The following SLC39A10 variants were observed in gnomAD, a reference collection of about 807,000 sequenced individuals.
The protein encoded by SLC39A10 is solute carrier family 39 member 10.
SLC39A10 carries 13 observed loss-of-function variants against 65.1 expected under a neutral mutation model. That is an observed-to-expected ratio of 0.20 (90% confidence interval 0.13 to 0.32). The LOEUF is 0.32. SLC39A10 is among the 10% of genes least tolerant of loss of function. The pLI, the probability that SLC39A10 is intolerant of heterozygous loss-of-function variation, is 1.00. For missense variants in SLC39A10, 831 were observed against 1,018.4 expected, an observed-to-expected ratio of 0.82 and a Z score of 2.50; for synonymous variants, 321 against 342.2, an observed-to-expected ratio of 0.94 and a Z score of 0.68.
At chr2:195,733,473 GATT>G (rs1692489422) in intron 9 of SLC39A10, among the ~76,000 whole-genome samples, 1 of 152,072 alleles carries the variant, frequency 6.6e-6, no homozygotes, top group Non-Finnish European at 1.5e-5. Context: ...TGAATCTACA[GATT>G]ATTCTTAGAT....
intron 3 of SLC39A10, among the ~76,000 whole-genome samples, chr2:195,690,831 T>C (rs1690711572): frequency 6.6e-6 from 1 of 152,224 alleles, no homozygotes; most frequent in Admixed American, 6.5e-5. Flanking sequence ...CTTTTTACTC[T>C]GTTGATAATT....
chr2:195,704,571 TATTTC>T (rs1207702538), intron 3 of SLC39A10, among the ~76,000 whole-genome samples: 1 of 152,246 alleles, frequency 6.6e-6, no homozygotes, highest in Non-Finnish European at 1.5e-5. Context: ...ACTTCTGACT[TATTTC>T]ATTAAGTTCT....
intron 1 of SLC39A10, among the ~76,000 whole-genome samples, chr2:195,663,860 T>C (rs1312748357): frequency 1.3e-5 from 2 of 151,744 alleles, no homozygotes; most frequent in East Asian, 1.9e-4. Flanking sequence ...CTGGGTTATA[T>C]TGTGTGATGC....
intron 1 of SLC39A10, among the ~76,000 whole-genome samples, chr2:195,660,053 G>A (rs1689323881): frequency 6.6e-6 from 1 of 151,790 alleles, no homozygotes; most frequent in South Asian, 2.1e-4. Context: ...ATTTCGTGAG[G>A]GGGTACATAC....
intron 9 of SLC39A10, among the ~76,000 whole-genome samples, chr2:195,729,528 C>G (rs571841940): frequency 6.6e-6 from 1 of 152,264 alleles, no homozygotes; most frequent in Non-Finnish European, 1.5e-5. Flanking sequence ...TATCTATGCC[C>G]ATTTACATTC....
At chr2:195,697,106 C>T (rs547538502) in intron 3 of SLC39A10, among the ~76,000 whole-genome samples, 41 of 152,196 alleles carry the variant, frequency 2.7e-4, no homozygotes, top group Non-Finnish European at 4.9e-4. Flanking sequence ...TTAACTGTCT[C>T]AGGGGTGGCC....
intron 9 of SLC39A10, among the ~76,000 whole-genome samples, chr2:195,734,158 T>TA (rs1559054819): frequency 6.7e-4 from 42 of 62,516 alleles, no homozygotes; most frequent in East Asian, 2.0e-3. Flanking sequence ...TCCTTTTTTT[T>TA]TAAAAAAAAA....
At chr2:195,677,121 CAG>C in intron 1 of SLC39A10, among the ~76,000 whole-genome samples, 1 of 152,276 alleles carries the variant, frequency 6.6e-6, no homozygotes, top group Non-Finnish European at 1.5e-5. Context: ...AGAAAGTACA[CAG>C]AGCATAAGTG....
chr2:195,672,707 C>T (rs1472568724), intron 1 of SLC39A10, among the ~76,000 whole-genome samples: 14 of 152,220 alleles, frequency 9.2e-5, no homozygotes, highest in Admixed American at 6.5e-4. Flanking sequence ...TTTTGTGTTT[C>T]GTGGAGTCAT....
At chr2:195,662,946 C>T (rs1302500552) in intron 1 of SLC39A10, among the ~76,000 whole-genome samples, 2 of 152,174 alleles carry the variant, frequency 1.3e-5, no homozygotes, top group African/African-American at 2.4e-5. Context: ...AGTAGAGAAG[C>T]TTTTTGTCTC....
At chr2:195,669,594 A>G (rs1413499589) in intron 1 of SLC39A10, among the ~76,000 whole-genome samples, 1 of 152,242 alleles carries the variant, frequency 6.6e-6, no homozygotes, top group Non-Finnish European at 1.5e-5. Context: ...AACCATTTGT[A>G]TATATTCCTA....
In SLC39A10 at chr2:195,623,588, T is replaced by TA. The variant is rs532736177; in HGVS notation, c.-12+17358dup. ...GTGATTTTTACCTTGAGTTCATAGC[T>TA]AAAGTTTGAGGCAATCCATTAATTG... is the stretch of plus-strand genomic sequence containing the variant. On this transcript the variant is annotated intron_variant, in intron 2 of 2. Coordinates refer to the SLC39A10 transcript ENST00000458054. 5.3e-5 allele frequency among the ~76,000 whole-genome samples: 8 copies of TA among 152,316 alleles called. No homozygotes were observed. In the East Asian group the frequency reaches 1.5e-3, roughly 29 times the overall value.
At chr2:195,701,192 T>C (rs1280135109) in intron 3 of SLC39A10, among the ~76,000 whole-genome samples, 1 of 152,082 alleles carries the variant, frequency 6.6e-6, no homozygotes, top group Non-Finnish European at 1.5e-5. Flanking sequence ...TACTTCAGCC[T>C]GCTCAAATCT....
intron 8 of SLC39A10, among the ~76,000 whole-genome samples, chr2:195,725,858 C>T (rs1373086420): frequency 6.6e-6 from 1 of 152,142 alleles, no homozygotes; most frequent in Non-Finnish European, 1.5e-5. Context: ...ACTTGAAAGA[C>T]TACATACTGT....
At chr2:195,614,800 T>C (rs1688172517) in intron 2 of SLC39A10, among the ~76,000 whole-genome samples, 1 of 152,166 alleles carries the variant, frequency 6.6e-6, no homozygotes, top group Admixed American at 6.6e-5. Flanking sequence ...AGGACTGTTA[T>C]CCTGGCACTT....
At chr2:195,663,563 A>G (rs901530961) in intron 1 of SLC39A10, among the ~76,000 whole-genome samples, 1 of 152,120 alleles carries the variant, frequency 6.6e-6, no homozygotes, top group Non-Finnish European at 1.5e-5. Flanking sequence ...TATATACATT[A>G]TAAGGCAGTG....
intron 2 of SLC39A10, among the ~76,000 whole-genome samples, chr2:195,651,520 G>T (rs1022630324): frequency 2.6e-5 from 4 of 152,040 alleles, no homozygotes; most frequent in Non-Finnish European, 4.4e-5. Context: ...TGTCACCCAG[G>T]CTGGAAAGCA....
At chr2:195,698,313 AT>A (rs1165462937) in intron 3 of SLC39A10, among the ~76,000 whole-genome samples, 1 of 151,912 alleles carries the variant, frequency 6.6e-6, no homozygotes, top group Non-Finnish European at 1.5e-5. Flanking sequence ...GATGTTTTTA[AT>A]TTTTTTCTTG....
At chr2:195,622,287 G>A (rs1419324680) in intron 2 of SLC39A10, among the ~76,000 whole-genome samples, 1 of 152,048 alleles carries the variant, frequency 6.6e-6, no homozygotes, top group Non-Finnish European at 1.5e-5. Context: ...GATGGCTTGA[G>A]CCCCGGAGGT....
Sources: gnomAD v4.1 joint callset for allele counts (sites outside exome capture counted in the v4.1 genomes callset) on GRCh38, gnomAD v4.1.1 for gene constraint, MANE v1.5 for transcripts, NCBI Gene and HGNC (gene_info 2026-07-23, HGNC 2026-07-21) for gene names.